Variants in ATP4B observed in about 807,000 individuals in gnomAD.
The protein encoded by ATP4B is ATPase H+/K+ transporting subunit beta.
A neutral mutation model predicts 35.3 loss-of-function variants in ATP4B; 27 were observed. That is an observed-to-expected ratio of 0.76 (90% CI 0.56 to 1.05). The LOEUF (loss-of-function observed/expected upper bound fraction) is 1.05, where lower values mean the gene tolerates loss of function less well. ATP4B is among the 50% of genes least tolerant of loss of function. The probability of loss-of-function intolerance (pLI) is 0.00; values close to 1 mark genes in which losing one functional copy is unlikely to be tolerated. For missense variants in ATP4B, 375 were observed against 384.8 expected, an observed-to-expected ratio of 0.97 and a Z score of 0.21; for synonymous variants, 162 against 156.0, an observed-to-expected ratio of 1.04 and a Z score of -0.29.
At position 113,649,198 on chromosome 13, in the gene ATP4B, C is replaced by T. The variant is rs1231970156; in HGVS notation, c.*176G>A. 6 of 594,810 alleles carry T rather than the reference C, an allele frequency of 1.0e-5. No homozygotes were observed. Among genetic ancestry groups the T allele is most frequent in the South Asian group, 2.5e-5 (1 of 39,948 alleles). 36.8% of individuals were successfully genotyped at this position (594,810 alleles called of 1,614,324 possible). On this transcript the variant is annotated 3_prime_UTR_variant, in exon 7 of 7. Transcript: ENST00000335288. The surrounding 1 kb of genome is among the most constrained non-coding windows in gnomAD (Gnocchi z 4.7). ...AATTCAACAAGGAAGAACTGATACT[C>T]GCGAGCAGGTCCTTCAGATGTGGGC...
In ATP4B at chr13:113,652,883, T is replaced by TAA. The variant is rs750101696; in HGVS notation, c.544_545insTT (p.Lys182IlefsTer3). 2.5e-6 allele frequency: 4 copies of TAA among 1,614,202 alleles called. No homozygotes were observed. The highest frequency in any genetic ancestry group is 3.4e-6 in the Non-Finnish European group (4 of 1,180,026). ...ACCCTCAGTACTCACCCTGTTCATTTTAATAATAAAACATGGCTTTCCTTC... is the reference window on the plus strand; with the variant it reads ...ACCCTCAGTACTCACCCTGTTCATTTAATAATAATAAAACATGGCTTTCCTTC... On this transcript the variant is annotated frameshift_variant, in exon 4 of 7. Transcript: ENST00000335288. LOFTEE classifies it high-confidence loss of function.
In ATP4B at chr13:113,653,334, G is replaced by A. The variant is rs933812229; in HGVS notation, c.342C>T (p.His114=). ...TTCACACCTCACCTGCTAGGAAGGCGTGGAGAGTCTGTGTGAGGTCTGCCC... is the reference window on the plus strand; with the variant it reads ...TTCACACCTCACCTGCTAGGAAGGCATGGAGAGTCTGTGTGAGGTCTGCCC... ...RTWADLTQTL[H]AFLAGYSPAA... The change falls in exon 3 of 7, where the codon CAC becomes CAT. Residue 114 remains histidine, a synonymous_variant. Transcript: ENST00000335288. 6.2e-6 allele frequency: 10 copies of A among 1,613,544 alleles called. No homozygotes were observed. Among genetic ancestry groups the A allele is most frequent in the African/African-American group, 4.0e-5 (3 of 74,838 alleles).
At position 113,652,765 on chromosome 13, in the gene ATP4B, G is replaced by A. The variant is rs138473007; in HGVS notation, c.555+108C>T. The A allele has an allele frequency of 7.7e-4, 1,022 of 1,329,184 alleles. 4 individuals carry two copies. In the African/African-American group the frequency reaches 0.013, roughly 17 times the overall value. The allele number at this position is 1,329,184 out of a possible 1,614,324, so 82.3% of individuals were successfully genotyped here. A position where few individuals can be genotyped will look rare whatever the true frequency, so the allele number is the denominator to read the frequency against. ...GTGGTGAGGCTGGAGTCCCTGTCCC[G>A]CTTGGGCAAGCCCCAGACAGGACAC... On this transcript the variant is annotated intron_variant, in intron 4 of 6. Coordinates refer to ENST00000335288, the MANE Select transcript of ATP4B (RefSeq NM_000705.4).
chr13:113,652,479 A>G (rs1030142160), intron 4 of ATP4B, among the ~76,000 whole-genome samples: 2 of 152,094 alleles, frequency 1.3e-5, no homozygotes, highest in Non-Finnish European at 2.9e-5. Flanking sequence ...ACACCCCCTA[A>G]GGGGCCCCTG....
In ATP4B at chr13:113,650,699, T is replaced by A. The variant is rs944671011; in HGVS notation, c.613-192A>T. Among the ~76,000 whole-genome samples the A allele has an allele frequency of 2.0e-5, 3 of 152,190 alleles. No homozygotes were observed. Among genetic ancestry groups the A allele is most frequent in the African/African-American group, 7.2e-5 (3 of 41,436 alleles). Reference sequence around the variant, plus strand: ...AGATCTCAGCAAGGATATGATTTGTTAGCATGCAAAATGCCCAGTGACCCC... The same window carrying A: ...AGATCTCAGCAAGGATATGATTTGTAAGCATGCAAAATGCCCAGTGACCCC... On this transcript the variant is annotated intron_variant, in intron 5 of 6. Coordinates refer to ENST00000335288, the MANE Select transcript of ATP4B (RefSeq NM_000705.4). This position sits in a 1 kb window ranked among gnomAD's most constrained non-coding sequence, Gnocchi z 5.0.
chr13:113,656,480 C>T (rs867425886), intron 1 of ATP4B, among the ~76,000 whole-genome samples: 38 of 152,294 alleles, frequency 2.5e-4, no homozygotes, highest in African/African-American at 8.7e-4. Context: ...GGCCCAGGCT[C>T]GGGAGGGCCA....
Position 113,658,056 on chromosome 13 carries a change from A to G in ATP4B, c.89T>C (p.Leu30Pro). The change falls in exon 1 of 7, where the codon CTG becomes CCG. Residue 30 changes from leucine (L) to proline (P), a missense_variant. Coordinates refer to ENST00000335288, the MANE Select transcript of ATP4B (RefSeq NM_000705.4). Reference sequence around the variant, plus strand: ...ACCCCACCGGGACAGGGTGCGGCCCAGCATCTGCCCCGTGTCCGGGTTCCA... The same window carrying G: ...ACCCCACCGGGACAGGGTGCGGCCCGGCATCTGCCCCGTGTCCGGGTTCCA... Reference protein sequence around the residue: ...YCWNPDTGQMLGRTLSRWVWI... With the variant: ...YCWNPDTGQMPGRTLSRWVWI... The G allele has an allele frequency of 6.2e-7, 1 of 1,607,652 alleles. No homozygotes were observed. Among genetic ancestry groups the G allele is most frequent in the Non-Finnish European group, 8.5e-7 (1 of 1,177,932 alleles).
chr13:113,655,229 G>T (rs981810301), intron 1 of ATP4B, among the ~76,000 whole-genome samples: 1 of 152,192 alleles, frequency 6.6e-6, no homozygotes, highest in African/African-American at 2.4e-5. Flanking sequence ...CACTCCAGCC[G>T]CTGTTTGAGA....
intron 2 of ATP4B, 74 bp downstream of exon 2, chr13:113,654,740 C>T (rs916355058): frequency 1.1e-5 from 17 of 1,534,356 alleles, no homozygotes; most frequent in Non-Finnish European, 1.4e-5. Context: ...ACGGGTCCCC[C>T]GGGCGTCTCC....
At chr13:113,654,688 G>A in intron 2 of ATP4B, 126 bp downstream of exon 2, 1 of 1,420,952 alleles carries the variant, frequency 7.0e-7, no homozygotes, top group Non-Finnish European at 9.4e-7. Context: ...TCACCCTGGG[G>A]CTGCCGGGCT....
At chr13:113,655,280 C>G (rs1411607464) in intron 1 of ATP4B, among the ~76,000 whole-genome samples, 1 of 152,168 alleles carries the variant, frequency 6.6e-6, no homozygotes, top group Non-Finnish European at 1.5e-5. Flanking sequence ...CCAGCAGGAA[C>G]CGAGGGCCCT....
chr13:113,652,763 C>T, intron 4 of ATP4B, 110 bp downstream of exon 4: 1 of 1,297,950 alleles, frequency 7.7e-7, no homozygotes, highest in Middle Eastern at 1.8e-4. Flanking sequence ...AGTCCCTGTC[C>T]CGCTTGGGCA....
Position 113,649,257 on chromosome 13 carries a change from T to C in ATP4B, c.*117A>G. 1 of 1,298,222 alleles carries C rather than the reference T, an allele frequency of 7.7e-7. No homozygotes were observed. The highest frequency in any genetic ancestry group is 1.0e-6 in the Non-Finnish European group (1 of 957,548). 80.4% of individuals were successfully genotyped at this position (1,298,222 alleles called of 1,614,324 possible). Reference sequence around the variant, plus strand: ...GGAGTTCGCACACTGACAACACCGTTGCTCCAAACCACTTTGGGGATGATT... The same window carrying C: ...GGAGTTCGCACACTGACAACACCGTCGCTCCAAACCACTTTGGGGATGATT... On this transcript the variant is annotated 3_prime_UTR_variant, in exon 7 of 7. Coordinates refer to ENST00000335288, the MANE Select transcript of ATP4B (RefSeq NM_000705.4). This position sits in a 1 kb window ranked among gnomAD's most constrained non-coding sequence, Gnocchi z 4.7.
chr13:113,655,030 G>A (rs886372316), intron 1 of ATP4B, 88 bp from the exon 2 acceptor site: 50 of 1,533,154 alleles, frequency 3.3e-5, no homozygotes, highest in Admixed American at 2.9e-4. Context: ...GTGATGTGGC[G>A]TGACCATCTT....
chr13:113,655,553 G>A (rs1041518893), intron 1 of ATP4B, among the ~76,000 whole-genome samples: 4 of 152,294 alleles, frequency 2.6e-5, no homozygotes, highest in South Asian at 2.1e-4. Flanking sequence ...CCCCTGCAGC[G>A]TCAGAACCTA....
At chr13:113,657,921 C>T (rs769165113) in intron 1 of ATP4B, 112 bp downstream of exon 1, 21 of 863,742 alleles carry the variant, frequency 2.4e-5, no homozygotes, top group East Asian at 5.4e-5. Context: ...CAGGCAGCAT[C>T]GGGGTCTCAC....
chr13:113,658,014 GC>G lies in ATP4B; in HGVS notation c.112+18del. Reference sequence around the variant, plus strand: ...GCGGCCCCCTCCATGCACCCAGCCGGCCCGCCCCCCGCACGTACCCCACCGG... The same window carrying G: ...GCGGCCCCCTCCATGCACCCAGCCGGCCGCCCCCCGCACGTACCCCACCGG... On this transcript the variant is annotated intron_variant, in intron 1 of 6. Coordinates refer to ENST00000335288, the MANE Select transcript of ATP4B (RefSeq NM_000705.4). 1 of 1,577,272 alleles carries G rather than the reference GC, an allele frequency of 6.3e-7. No homozygotes were observed. Among genetic ancestry groups the G allele is most frequent in the Non-Finnish European group, 8.6e-7 (1 of 1,163,910 alleles).
In ATP4B at chr13:113,658,039, G is replaced by A. The variant is rs9285616; in HGVS notation, c.106C>T (p.Arg36Trp). Residue 36 changes from arginine to tryptophan, a missense_variant, in exon 1 of 7, where the codon CGG becomes TGG. Arg to Trp is a moderately radical substitution (Grantham distance 101). Coordinates refer to ENST00000335288, the MANE Select transcript of ATP4B (RefSeq NM_000705.4). ...GCCCGCCCCCCGCACGTACCCCACC[G>A]GGACAGGGTGCGGCCCAGCATCTGC... ...TGQMLGRTLS[R>W]WVWISLYYVA... 195 of 1,600,644 alleles carry A rather than the reference G, an allele frequency of 1.2e-4. No homozygotes were observed. Among genetic ancestry groups the A allele is most frequent in the South Asian group, 6.7e-4 (60 of 89,450 alleles).
Position 113,649,295 on chromosome 13 carries a change from G to T in ATP4B, c.*79C>A. The T allele has an allele frequency of 6.7e-7, 1 of 1,493,860 alleles. No homozygotes were observed. The highest frequency in any genetic ancestry group is 1.3e-5 in the South Asian group (1 of 78,020). 92.5% of individuals were successfully genotyped at this position (1,493,860 alleles called of 1,614,324 possible). On this transcript the variant is annotated 3_prime_UTR_variant, in exon 7 of 7. Coordinates refer to ENST00000335288, the MANE Select transcript of ATP4B (RefSeq NM_000705.4). This position sits in a 1 kb window ranked among gnomAD's most constrained non-coding sequence, Gnocchi z 4.7. ...TTTGGGGATGATTTGGCAGGGAACT[G>T]ACGGGCAAGGTAAGCCCAACCAGGA...
Sources: allele counts gnomAD v4.1 joint callset (sites outside exome capture counted in the v4.1 genomes callset), GRCh38; gene constraint gnomAD v4.1.1; non-coding constraint Gnocchi (gnomAD v3.1); transcripts MANE v1.5; gene names NCBI Gene and HGNC (gene_info 2026-07-23, HGNC 2026-07-21).